Variants in CTXND2 observed in about 807,000 individuals in gnomAD.
CTXND2 encodes the protein cortexin domain containing 2.
intron 1 of CTXND2, among the ~76,000 whole-genome samples, chr1:150,909,098 G>A (rs1669202980): frequency 6.6e-6 from 1 of 151,192 alleles, no homozygotes; most frequent in African/African-American, 2.4e-5. Context: ...ACGTAGCCGG[G>A]CATGGTGGGG....
intron 1 of CTXND2, among the ~76,000 whole-genome samples, chr1:150,911,115 ATT>A (rs943086609): frequency 7.1e-6 from 1 of 141,174 alleles, no homozygotes. Flanking sequence ...TAATTTTTGT[ATT>A]TTTTTTTTTT....
At chr1:150,905,501 C>A (rs1558001805) in intron 1 of CTXND2, among the ~76,000 whole-genome samples, 1 of 152,128 alleles carries the variant, frequency 6.6e-6, no homozygotes, top group Non-Finnish European at 1.5e-5. Flanking sequence ...GGCATGAAAA[C>A]CCAGTGTAAA....
At chr1:150,895,753 T>G (rs150926926) in intron 1 of CTXND2, among the ~76,000 whole-genome samples, 223 of 152,342 alleles carry the variant, frequency 1.5e-3, no homozygotes, top group African/African-American at 5.1e-3. Flanking sequence ...AAGGTGTTAG[T>G]GCATGACTCA....
At chr1:150,898,716 A>C (rs1210868053) in intron 1 of CTXND2, among the ~76,000 whole-genome samples, 11 of 148,898 alleles carry the variant, frequency 7.4e-5, no homozygotes, top group Non-Finnish European at 1.5e-4. Context: ...AGATCGTGCC[A>C]CTGCACTTCA....
intron 1 of CTXND2, among the ~76,000 whole-genome samples, chr1:150,900,024 A>G (rs1157679807): frequency 6.6e-6 from 1 of 152,202 alleles, no homozygotes; most frequent in Non-Finnish European, 1.5e-5. Flanking sequence ...AAATGGACCA[A>G]TCAGCAGGAC....
exon 2 of CTXND2, chr1:150,912,549 T>C (rs768075369): frequency 1.3e-5 from 5 of 398,146 alleles, no homozygotes; most frequent in Non-Finnish European, 2.2e-5. Context: ...CACTTTATAT[T>C]ATTTCACCTC....
intron 1 of CTXND2, among the ~76,000 whole-genome samples, chr1:150,906,717 G>T (rs1391312116): frequency 6.6e-6 from 1 of 152,068 alleles, no homozygotes; most frequent in Non-Finnish European, 1.5e-5. Flanking sequence ...AGAAAATGTG[G>T]CCAATCCCCC....
chr1:150,894,906 G>A (rs587678062), intron 1 of CTXND2, among the ~76,000 whole-genome samples: 8 of 152,046 alleles, frequency 5.3e-5, no homozygotes, highest in East Asian at 3.9e-4. Context: ...GTGGTGGCGC[G>A]TGCCTGTAGT....
chr1:150,904,465 T>C (rs1161905218), intron 1 of CTXND2, among the ~76,000 whole-genome samples: 1 of 152,218 alleles, frequency 6.6e-6, no homozygotes, highest in African/African-American at 2.4e-5. Context: ...TGATTAGACT[T>C]TGTTAGTAAT....
intron 1 of CTXND2, chr1:150,904,108 T>G: frequency 3.0e-6 from 2 of 663,512 alleles, no homozygotes; most frequent in Non-Finnish European, 5.7e-6. Context: ...ATTTGGAAAA[T>G]CCCAAGAAGT....
intron 1 of CTXND2, among the ~76,000 whole-genome samples, chr1:150,901,471 C>T (rs1669030147): frequency 6.6e-6 from 1 of 152,186 alleles, no homozygotes; most frequent in Non-Finnish European, 1.5e-5. Context: ...AGGTGGGGTG[C>T]TCACATGTTA....
chr1:150,903,997 T>C lies in CTXND2; in HGVS notation c.-73-8245T>C, dbSNP rs891480200. 6.2e-6 allele frequency: 4 copies of C among 648,234 alleles called. No individual in the cohort carries two copies. In the African/African-American group the frequency reaches 7.2e-5, roughly 12 times the overall value. 40.2% of individuals were successfully genotyped at this position (648,234 alleles called of 1,614,324 possible). A position where few individuals can be genotyped will look rare whatever the true frequency, so the allele number is the denominator to read the frequency against. On this transcript the variant is annotated intron_variant, in intron 1 of 1. Transcript: ENST00000636087. ...AGCACAAGACTGGGCCTAATCTCCA[T>C]GGTCTCTTCAGTCAGAAGACAGGTC...
chr1:150,893,659 A>G (rs587736532), intron 1 of CTXND2, among the ~76,000 whole-genome samples: 28 of 152,218 alleles, frequency 1.8e-4, no homozygotes, highest in African/African-American at 6.5e-4. Context: ...GGGTCTCACT[A>G]TGTTGCCCCG....
intron 1 of CTXND2, among the ~76,000 whole-genome samples, chr1:150,887,788 G>C (rs1456175781): frequency 1.3e-5 from 2 of 152,024 alleles, no homozygotes; most frequent in African/African-American, 2.4e-5. Context: ...GGTCTTTTTA[G>C]TATTTTGGTC....
chr1:150,893,608 A>C (rs1249606424), intron 1 of CTXND2, among the ~76,000 whole-genome samples: 2 of 152,072 alleles, frequency 1.3e-5, no homozygotes, highest in Non-Finnish European at 2.9e-5. Flanking sequence ...ACAGACATGC[A>C]CCATCTTGCC....
chr1:150,903,675 G>A (rs1259077932), intron 1 of CTXND2, among the ~76,000 whole-genome samples: 2 of 151,792 alleles, frequency 1.3e-5, no homozygotes, highest in Non-Finnish European at 2.9e-5. Context: ...GTGGGCGCCT[G>A]TAATCCCAGC....
At chr1:150,910,625 T>C (rs1462335273) in intron 1 of CTXND2, among the ~76,000 whole-genome samples, 1 of 150,130 alleles carries the variant, frequency 6.7e-6, no homozygotes, top group African/African-American at 2.5e-5. Flanking sequence ...ATTTCTGGAC[T>C]CTCAATTTTT....
In CTXND2 at chr1:150,900,393, A is replaced by G. The variant is rs1173525109; in HGVS notation, c.-73-11849A>G. 2.6e-5 allele frequency among the ~76,000 whole-genome samples: 4 copies of G among 152,184 alleles called. No homozygotes were observed. The East Asian group carries it at 7.7e-4, about 29-fold the overall frequency. ...AAGTCCAGACGCATCTGAACACTGG[A>G]AGGAACAAACGTTGGACACACCATC... On this transcript the variant is annotated intron_variant, in intron 1 of 1. Transcript: ENST00000636087.
At chr1:150,909,793 A>G (rs1669217564) in intron 1 of CTXND2, among the ~76,000 whole-genome samples, 1 of 152,126 alleles carries the variant, frequency 6.6e-6, no homozygotes, top group Admixed American at 6.6e-5. Context: ...GCCAAAGAAG[A>G]AGGCTTTACT....
Sources: gnomAD v4.1 joint callset for allele counts (sites outside exome capture counted in the v4.1 genomes callset) on GRCh38, gnomAD v4.1.1 for gene constraint, MANE v1.5 for transcripts, NCBI Gene and HGNC (gene_info 2026-07-23, HGNC 2026-07-21) for gene names.